Variants in GORASP1 observed in about 807,000 individuals in gnomAD.
GORASP1 encodes the protein golgi reassembly stacking protein 1.
GORASP1 carries 31 observed loss-of-function variants against 37.7 expected under a neutral mutation model. That is an observed-to-expected ratio of 0.82 (90% CI 0.62 to 1.11). The LOEUF (loss-of-function observed/expected upper bound fraction) is 1.11. Among genes scored for constraint, GORASP1 ranks in the 50% least tolerant of loss-of-function variants. The pLI, the probability that GORASP1 is intolerant of heterozygous loss-of-function variation, is 0.00. For synonymous variants in GORASP1, 204 were observed against 224.8 expected, an observed-to-expected ratio of 0.91 and a Z score of 0.83; for missense variants, 476 against 560.7, an observed-to-expected ratio of 0.85 and a Z score of 1.53.
At chr3:39,107,330 C>A (rs764647211) in intron 1 of GORASP1, 149 bp downstream of exon 1, 358 of 497,992 alleles carry the variant, frequency 7.2e-4, no homozygotes, top group Non-Finnish European at 8.6e-4. Flanking sequence ...CCAGGAGGCT[C>A]CCACCGGGCA....
Position 39,105,345 on chromosome 3 carries a change from C to T in GORASP1, c.64-1792G>A, listed in dbSNP as rs1176073189. Among the ~76,000 whole-genome samples, 1 of 152,064 alleles carries T rather than the reference C, an allele frequency of 6.6e-6. No homozygotes were observed. Among genetic ancestry groups the T allele is most frequent in the Non-Finnish European group, 1.5e-5 (1 of 68,004 alleles). ...TTCCTCATGCTCCCACCCTATTTTT[C>T]CCAATCAGGGAACCTAATGGAACTC... On this transcript the variant is annotated intron_variant, in intron 1 of 8. Transcript: ENST00000319283. The surrounding 1 kb of genome is among the most constrained non-coding windows in gnomAD (Gnocchi z 5.4).
At position 39,105,808 on chromosome 3, in the gene GORASP1, G is replaced by T. The variant is rs1423312329; in HGVS notation, c.63+1671C>A. 6.6e-6 allele frequency among the ~76,000 whole-genome samples: 1 copy of T among 152,126 alleles called. No homozygotes were observed. Among genetic ancestry groups the T allele is most frequent in the Non-Finnish European group, 1.5e-5 (1 of 68,026 alleles). On this transcript the variant is annotated intron_variant, in intron 1 of 8. Transcript: ENST00000319283. This position sits in a 1 kb window ranked among gnomAD's most constrained non-coding sequence, Gnocchi z 5.4. The stretch of plus-strand genomic sequence containing the variant: ...GGCAAGGTCCTACACGGTCTGCTCT[G>T]GTCTCCTCCTCACACTGGCCACACC...
rs1302549344 is a variant in GORASP1 at position 39,100,924 on chromosome 3, CT to C, written c.436-48del. ...TGAGGCCTGCTTCCAGGGCTAAAGC[CT>C]CAACAAAACCAGACACTTCTCATGG... On this transcript the variant is annotated intron_variant, in intron 4 of 8. Transcript: ENST00000319283. This position sits in a 1 kb window ranked among gnomAD's most constrained non-coding sequence, Gnocchi z 4.6. The C allele has an allele frequency of 6.2e-7, 1 of 1,613,940 alleles. No individual in the cohort carries two copies.
At position 39,100,059 on chromosome 3, in the gene GORASP1, G is replaced by A. The variant is rs41285136; in HGVS notation, c.765+246C>T. 0.014 allele frequency among the ~76,000 whole-genome samples: 2,191 copies of A among 152,296 alleles called. 20 individuals carry two copies. The highest frequency in any genetic ancestry group is 0.018 in the Non-Finnish European group (1,250 of 68,026). ...AGCAAGCACCCATCTCTGAGCCTCA[G>A]TTTCCCACTCATGAAATGAAGATGA... On this transcript the variant is annotated intron_variant, in intron 6 of 8. Coordinates refer to ENST00000319283, the MANE Select transcript of GORASP1 (RefSeq NM_031899.4). The surrounding 1 kb of genome is among the most constrained non-coding windows in gnomAD (Gnocchi z 4.6).
intron 1 of GORASP1, among the ~76,000 whole-genome samples, chr3:39,106,807 C>G (rs1459510123): frequency 1.4e-4 from 22 of 152,178 alleles, no homozygotes. Flanking sequence ...AACCCCACTC[C>G]GTCTCCACTC....
In GORASP1 at chr3:39,097,923, A is replaced by C; in HGVS notation, c.*313T>G. 2.7e-6 allele frequency: 1 copy of C among 363,692 alleles called. No homozygotes were observed. 22.5% of individuals were successfully genotyped at this position (363,692 alleles called of 1,614,324 possible). ...ATGGGGTGGGCTGAGCTGTGCAGGAAGAATCAAAGCGACCAGGCCAACACT... is the reference window on the plus strand; with the variant it reads ...ATGGGGTGGGCTGAGCTGTGCAGGACGAATCAAAGCGACCAGGCCAACACT... On this transcript the variant is annotated 3_prime_UTR_variant, in exon 9 of 9. Transcript: ENST00000319283.
chr3:39,100,509 G>A lies in GORASP1; in HGVS notation c.567-6C>T, dbSNP rs371099934. ...AGCCAATGCCACATCCCAGACTGCCGAAGGCCAGAAACATTCAATCCAGGG... is the reference window on the plus strand; with the variant it reads ...AGCCAATGCCACATCCCAGACTGCCAAAGGCCAGAAACATTCAATCCAGGG... On this transcript the variant is annotated splice_region_variant and splice_polypyrimidine_tract_variant and intron_variant, in intron 5 of 8. Coordinates refer to ENST00000319283, the MANE Select transcript of GORASP1 (RefSeq NM_031899.4). The surrounding 1 kb of genome is among the most constrained non-coding windows in gnomAD (Gnocchi z 4.6). The A allele has an allele frequency of 5.9e-5, 92 of 1,553,854 alleles. No individual in the cohort carries two copies. The highest frequency in any genetic ancestry group is 3.8e-4 in the Middle Eastern group (2 of 5,314).
In GORASP1 at chr3:39,102,724, C is replaced by T. The variant is rs769120554; in HGVS notation, c.302G>A (p.Arg101His). 1.2e-5 allele frequency: 20 copies of T among 1,614,204 alleles called. No homozygotes were observed. Among genetic ancestry groups the T allele is most frequent in the South Asian group, 2.2e-5 (2 of 91,084 alleles). The stretch of plus-strand genomic sequence containing the variant: ...ACTGGCCCTGCGGAAGCTGCAGAAG[C>T]GCACACTGGCACCCAGTAGGCCCTG... ...GGQGLLGASVRFCSFRRASEQ... is the reference protein window; with the variant it reads ...GGQGLLGASVHFCSFRRASEQ... The change falls in exon 3 of 9, where the codon CGC (arginine) becomes CAC (histidine). Residue 101 changes from arginine to histidine, a missense_variant. Physicochemically the swap from Arg to His is conservative, Grantham distance 29. Coordinates refer to ENST00000319283, the MANE Select transcript of GORASP1 (RefSeq NM_031899.4). This position sits in a 1 kb window ranked among gnomAD's most constrained non-coding sequence, Gnocchi z 5.0.
Position 39,103,525 on chromosome 3 carries a change from G to A in GORASP1, c.92C>T (p.Ala31Val), listed in dbSNP as rs140965034. The change falls in exon 2 of 9, where the codon GCG becomes GTG. Residue 31 changes from alanine (A) to valine (V), a missense_variant. Physicochemically the swap from Ala to Val is moderately conservative, Grantham distance 64. Coordinates refer to ENST00000319283, the MANE Select transcript of GORASP1 (RefSeq NM_031899.4). The surrounding 1 kb of genome is among the most constrained non-coding windows in gnomAD (Gnocchi z 5.2). ...GVQENSPAQQAGLEPYFDFII... is the reference protein window; with the variant it reads ...GVQENSPAQQVGLEPYFDFII... ...GAAGTCAAAGTAGGGCTCCAGGCCC[G>A]CCTGCTGGGCTGGGGAGTTCTCCTG... The A allele has an allele frequency of 5.7e-3, 9,143 of 1,613,270 alleles. 44 individuals carry two copies. Among genetic ancestry groups the A allele is most frequent in the Middle Eastern group, 0.01 (62 of 6,050 alleles).
chr3:39,100,722 G>A lies in GORASP1; in HGVS notation c.566+25C>T, dbSNP rs1181333030. The A allele has an allele frequency of 1.2e-6, 2 of 1,611,206 alleles. No homozygotes were observed. Among genetic ancestry groups the A allele is most frequent in the African/African-American group, 1.3e-5 (1 of 74,996 alleles). ...GGTCAGGCCCCACCCACCTGGCCCT[G>A]CAGCCCTCCAACCCCACGAAGTACC... On this transcript the variant is annotated intron_variant, in intron 5 of 8. Coordinates refer to ENST00000319283, the MANE Select transcript of GORASP1 (RefSeq NM_031899.4). This position sits in a 1 kb window ranked among gnomAD's most constrained non-coding sequence, Gnocchi z 4.6.
chr3:39,100,233 G>T lies in GORASP1; in HGVS notation c.765+72C>A. The T allele has an allele frequency of 7.4e-7, 1 of 1,355,150 alleles. No homozygotes were observed. The highest frequency in any genetic ancestry group is 1.1e-6 in the Non-Finnish European group (1 of 947,900). The allele number at this position is 1,355,150 out of a possible 1,614,324, so 83.9% of individuals were successfully genotyped here. A position where few individuals can be genotyped will look rare whatever the true frequency, so the allele number is the denominator to read the frequency against. ...CAGATCACAAAGGCCCCTGGTGAGGGTTGCTGATGGCTCCCCAAGGGCAGC... is the reference window on the plus strand; with the variant it reads ...CAGATCACAAAGGCCCCTGGTGAGGTTTGCTGATGGCTCCCCAAGGGCAGC... On this transcript the variant is annotated intron_variant, in intron 6 of 8. Transcript: ENST00000319283. This position sits in a 1 kb window ranked among gnomAD's most constrained non-coding sequence, Gnocchi z 4.6.
intron 3 of GORASP1, chr3:39,101,468 C>A: frequency 2.1e-6 from 1 of 485,928 alleles, no homozygotes; most frequent in South Asian, 1.6e-5. Flanking sequence ...GATAGGGTTG[C>A]TGAGAAAAAT....
In GORASP1 at chr3:39,103,005, G is replaced by GGGATGGGCCAAGGTAGT; in HGVS notation, c.145-141_145-125dup. On this transcript the variant is annotated intron_variant, in intron 2 of 8. Coordinates refer to ENST00000319283, the MANE Select transcript of GORASP1 (RefSeq NM_031899.4). The surrounding 1 kb of genome is among the most constrained non-coding windows in gnomAD (Gnocchi z 5.2). ...AGCAGCCCTCAGCAGGGTCACTGTGGGGATGGGCCAAGGTAGTGGATGGGC... is the reference window on the plus strand; with the variant it reads ...AGCAGCCCTCAGCAGGGTCACTGTGGGGATGGGCCAAGGTAGTGGATGGGCCAAGGTAGTGGATGGGC... 1.1e-6 allele frequency: 1 copy of GGGATGGGCCAAGGTAGT among 914,832 alleles called. No individual in the cohort carries two copies. Among genetic ancestry groups the GGGATGGGCCAAGGTAGT allele is most frequent in the East Asian group, 2.4e-5 (1 of 41,616 alleles). The allele number at this position is 914,832 out of a possible 1,614,324, so 56.7% of individuals were successfully genotyped here.
chr3:39,099,785 T>G (rs2035579934), intron 6 of GORASP1, among the ~76,000 whole-genome samples: 1 of 152,150 alleles, frequency 6.6e-6, no homozygotes, highest in South Asian at 2.1e-4. Flanking sequence ...CACATTCCCT[T>G]TGCCCCATCA....
rs777323065 is a variant in GORASP1 at position 39,102,840 on chromosome 3, A to G, written c.186T>C (p.Asn62=). Reference sequence around the variant, plus strand: ...CCTCCAGCTTCACGGGCTTCTCCACATTGGCTTTCAGTAGTGCCTTCAGGG... The same window carrying G: ...CCTCCAGCTTCACGGGCTTCTCCACGTTGGCTTTCAGTAGTGCCTTCAGGG... The part of the protein sequence containing the change: ...NDTLKALLKA[N]VEKPVKLEVF... The change falls in exon 3 of 9, where the codon AAT becomes AAC. Residue 62 remains asparagine (N), a synonymous_variant. Coordinates refer to ENST00000319283, the MANE Select transcript of GORASP1 (RefSeq NM_031899.4). This position sits in a 1 kb window ranked among gnomAD's most constrained non-coding sequence, Gnocchi z 5.0. 7.4e-6 allele frequency: 12 copies of G among 1,613,920 alleles called. No homozygotes were observed. In the South Asian group the frequency reaches 1.1e-4, roughly 15 times the overall value.
chr3:39,097,239 T>C lies in GORASP1; in HGVS notation c.*997A>G, dbSNP rs1007085950. The C allele has an allele frequency of 1.3e-5, 2 of 152,220 alleles. No individual in the cohort carries two copies. The highest frequency in any genetic ancestry group is 4.8e-5 in the African/African-American group (2 of 41,422). 9.4% of individuals were successfully genotyped at this position (152,220 alleles called of 1,614,324 possible). On this transcript the variant is annotated 3_prime_UTR_variant, in exon 9 of 9. Transcript: ENST00000319283. ...GAAGACGAGGCCAGAGCAGCTTTCA[T>C]AGTAATTAGCAGTGTGGGAACTGAG... is the stretch of plus-strand genomic sequence containing the variant.
In GORASP1 at chr3:39,103,497, G is replaced by A. The variant is rs369193391; in HGVS notation, c.120C>T (p.Ile40=). ...CCAGCCTCGAGTGCCCAATGGTGAT[G>A]ATGAAGTCAAAGTAGGGCTCCAGGC... ...QAGLEPYFDF[I]ITIGHSRLNK... The change falls in exon 2 of 9, where the codon ATC becomes ATT. Residue 40 remains isoleucine (I), a synonymous_variant. Coordinates refer to ENST00000319283, the MANE Select transcript of GORASP1 (RefSeq NM_031899.4). This position sits in a 1 kb window ranked among gnomAD's most constrained non-coding sequence, Gnocchi z 5.2. 100 of 1,613,466 alleles carry A rather than the reference G, an allele frequency of 6.2e-5. 1 individual carries two copies. Among genetic ancestry groups the A allele is most frequent in the South Asian group, 4.2e-4 (38 of 91,064 alleles).
rs2035488860 is a variant in GORASP1 at position 39,098,610 on chromosome 3, G to C, written c.1070-121C>G. 2 of 1,498,400 alleles carry C rather than the reference G, an allele frequency of 1.3e-6. No homozygotes were observed. The highest frequency in any genetic ancestry group is 4.6e-5 in the East Asian group (2 of 43,924). The allele number at this position is 1,498,400 out of a possible 1,614,324, so 92.8% of individuals were successfully genotyped here. A position where few individuals can be genotyped will look rare whatever the true frequency, so the allele number is the denominator to read the frequency against. ...CAGGTTTGATGGGGGATTGGAGATG[G>C]AGTGTACAAATGCCTTGGTGTGGCT... On this transcript the variant is annotated intron_variant, in intron 8 of 8. Coordinates refer to ENST00000319283, the MANE Select transcript of GORASP1 (RefSeq NM_031899.4). This position sits in a 1 kb window ranked among gnomAD's most constrained non-coding sequence, Gnocchi z 4.7.
Position 39,103,057 on chromosome 3 carries a change from G to A in GORASP1, c.145-176C>T, listed in dbSNP as rs2035821596. 4 of 645,164 alleles carry A rather than the reference G, an allele frequency of 6.2e-6. No individual in the cohort carries two copies. The highest frequency in any genetic ancestry group is 1.8e-5 in the African/African-American group (1 of 55,562). 40.0% of individuals were successfully genotyped at this position (645,164 alleles called of 1,614,324 possible). Reference sequence around the variant, plus strand: ...AGGTTCACAGACCAGGGTTGAGCCTGCAGCCACTGGGACCCCCACCTTCCC... The same window carrying A: ...AGGTTCACAGACCAGGGTTGAGCCTACAGCCACTGGGACCCCCACCTTCCC... On this transcript the variant is annotated intron_variant, in intron 2 of 8. Coordinates refer to ENST00000319283, the MANE Select transcript of GORASP1 (RefSeq NM_031899.4). This position sits in a 1 kb window ranked among gnomAD's most constrained non-coding sequence, Gnocchi z 5.2.
Sources: allele counts gnomAD v4.1 joint callset (sites outside exome capture counted in the v4.1 genomes callset), GRCh38; gene constraint gnomAD v4.1.1; non-coding constraint Gnocchi (gnomAD v3.1); transcripts MANE v1.5; gene names NCBI Gene and HGNC (gene_info 2026-07-23, HGNC 2026-07-21).